Variants in TSNARE1 observed in about 807,000 individuals in gnomAD.
TSNARE1 encodes t-SNARE domain-containing protein 1.
Under a neutral mutation model 62.0 loss-of-function variants are expected in TSNARE1, and 49 were observed. The observed-to-expected ratio is 0.79, with a 90% CI of 0.63 to 1.00. TSNARE1 has a LOEUF of 1.00. Among genes scored for constraint, TSNARE1 ranks in the 50% least tolerant of loss-of-function variants. TSNARE1 has a pLI of 0.00. For synonymous variants in TSNARE1, 328 were observed against 294.4 expected (o/e 1.11, Z -1.17); for missense variants, 755 against 700.1 (o/e 1.08, Z -0.88).
chr8:142,273,838 A>G (rs1819987506), intron 12 of TSNARE1: 1 of 984,396 alleles, frequency 1.0e-6, no homozygotes, highest in Admixed American at 6.2e-5. Flanking sequence ...GCAACTGAGG[A>G]CCCTCTGCGG....
intron 12 of TSNARE1, chr8:142,271,342 C>T (rs1248954846): frequency 4.2e-6 from 5 of 1,177,328 alleles, no homozygotes; most frequent in Non-Finnish European, 5.2e-6. Flanking sequence ...GCAGGTTTTG[C>T]TGGGCCATGA....
chr8:142,296,038 G>A (rs541305182), intron 10 of TSNARE1, among the ~76,000 whole-genome samples: 4 of 82,676 alleles, frequency 4.8e-5, no homozygotes, highest in African/African-American at 2.1e-4. Context: ...TCACTGTCAC[G>A]GGGGAGGGGG....
intron 1 of TSNARE1, among the ~76,000 whole-genome samples, chr8:142,362,629 A>AC (rs1835251091): frequency 1.3e-5 from 2 of 151,966 alleles, no homozygotes; most frequent in Non-Finnish European, 2.9e-5. Flanking sequence ...TCAGGAGATC[A>AC]CCCCCAGATA....
chr8:142,215,496 C>T (rs1815789688), intron 13 of TSNARE1, among the ~76,000 whole-genome samples: 2 of 152,168 alleles, frequency 1.3e-5, no homozygotes, highest in South Asian at 2.1e-4. Flanking sequence ...TGGGTCTCAT[C>T]CATTGCCCTT....
intron 6 of TSNARE1, chr8:142,326,085 C>T (rs1022780878): frequency 3.7e-5 from 6 of 164,094 alleles, no homozygotes; most frequent in African/African-American, 5.5e-5. Flanking sequence ...GAGCACGAGA[C>T]GGATGACGAA....
At chr8:142,365,814 T>C (rs1258058799) in intron 1 of TSNARE1, 3 of 339,926 alleles carry the variant, frequency 8.8e-6, no homozygotes, top group African/African-American at 6.7e-5. Flanking sequence ...AATTATTTTT[T>C]AATCATAGGA....
chr8:142,334,898 T>A (rs1362273399), intron 4 of TSNARE1, among the ~76,000 whole-genome samples: 3 of 152,164 alleles, frequency 2.0e-5, no homozygotes. Context: ...GTGAAAAGGA[T>A]CGGTTCCAAC....
chr8:142,286,963 A>T (rs1050619260), intron 10 of TSNARE1, among the ~76,000 whole-genome samples: 2 of 152,350 alleles, frequency 1.3e-5, no homozygotes, highest in African/African-American at 4.8e-5. Context: ...GCTGCATTTG[A>T]CAGGGAAGAC....
chr8:142,276,956 G>A (rs1367825654), intron 11 of TSNARE1: 13 of 985,356 alleles, frequency 1.3e-5, no homozygotes, highest in South Asian at 9.4e-5. Context: ...CTGCCCCGGC[G>A]CAGTGCACAG....
intron 12 of TSNARE1, among the ~76,000 whole-genome samples, chr8:142,240,332 G>A (rs1817620595): frequency 6.6e-6 from 1 of 152,072 alleles, no homozygotes; most frequent in Non-Finnish European, 1.5e-5. Context: ...TAACGAAATA[G>A]CCACGGAATA....
intron 10 of TSNARE1, among the ~76,000 whole-genome samples, chr8:142,294,355 C>T (rs775129299): frequency 3.3e-5 from 5 of 152,234 alleles, no homozygotes; most frequent in South Asian, 2.1e-4. Flanking sequence ...TTGTCCTTCA[C>T]GCCCTCACCC....
chr8:142,256,022 CCACCACTGTCACCGTCACCACCACCGT>C (rs1818499293), intron 12 of TSNARE1, among the ~76,000 whole-genome samples: 5 of 46,386 alleles, frequency 1.1e-4, no homozygotes, highest in Non-Finnish European at 2.5e-4. Context: ...ACCATCACCA[CCACCACTGTCACCGTCACCACCACCGT>C]CACCATCACC....
Position 142,280,399 on chromosome 8 carries a change from C to T in TSNARE1, c.1363+4014G>A, listed in dbSNP as rs1821223161. Reference sequence around the variant, plus strand: ...AGCCAGGTTCGGGGTCACAGGTCATCACAGGCCCTGCATCTGTGCACAGCG... The same window carrying T: ...AGCCAGGTTCGGGGTCACAGGTCATTACAGGCCCTGCATCTGTGCACAGCG... On this transcript the variant is annotated intron_variant, in intron 11 of 13. Transcript: ENST00000524325. The T allele has an allele frequency of 4.5e-6, 4 of 887,582 alleles. No individual in the cohort carries two copies. The South Asian group carries it at 2.1e-4, about 46-fold the overall frequency. 55.0% of individuals were successfully genotyped at this position (887,582 alleles called of 1,614,324 possible).
chr8:142,275,272 G>C, intron 11 of TSNARE1: 1 of 985,460 alleles, frequency 1.0e-6, no homozygotes, highest in Non-Finnish European at 1.2e-6. Context: ...TAACGTCTGT[G>C]GAGTTGCGAC....
At chr8:142,272,850 G>A (rs1359490639) in intron 12 of TSNARE1, 7 of 984,620 alleles carry the variant, frequency 7.1e-6, no homozygotes, top group South Asian at 9.4e-5. Context: ...TCTATGCAGA[G>A]GCAACTTCAC....
chr8:142,265,916 T>C (rs1946583369), intron 12 of TSNARE1, among the ~76,000 whole-genome samples: 1 of 152,262 alleles, frequency 6.6e-6, no homozygotes, highest in Non-Finnish European at 1.5e-5. Flanking sequence ...GATGGAATTG[T>C]TTTCTTTCAG....
At chr8:142,331,155 G>A (rs546745691) in intron 5 of TSNARE1, among the ~76,000 whole-genome samples, 185 bp from the exon 6 acceptor site, 2 of 152,312 alleles carry the variant, frequency 1.3e-5, no homozygotes, top group Admixed American at 6.5e-5. Context: ...ATAAGGTCAC[G>A]CCCGCCAGAA....
chr8:142,368,199 A>G lies in TSNARE1; in HGVS notation c.-39-13436T>C, dbSNP rs1237156274. 1.1e-4 allele frequency among the ~76,000 whole-genome samples: 16 copies of G among 152,330 alleles called. No individual in the cohort carries two copies. The East Asian group carries it at 2.9e-3, about 28-fold the overall frequency. On this transcript the variant is annotated intron_variant, in intron 1 of 13. Transcript: ENST00000524325. ...CAAGCAGGGAGAAAAGATTTGCAACATATGCCAAAGGACGAATATTATCCT... is the reference window on the plus strand; with the variant it reads ...CAAGCAGGGAGAAAAGATTTGCAACGTATGCCAAAGGACGAATATTATCCT...
intron 4 of TSNARE1, among the ~76,000 whole-genome samples, chr8:142,343,150 G>T (rs561500181): frequency 2.0e-5 from 3 of 152,196 alleles, no homozygotes; most frequent in African/African-American, 7.2e-5. Flanking sequence ...CAGCCTCAGG[G>T]TCTGCAGAAG....
Sources: gnomAD v4.1 joint callset for allele counts (sites outside exome capture counted in the v4.1 genomes callset) on GRCh38, gnomAD v4.1.1 for gene constraint, MANE v1.5 for transcripts, NCBI Gene and HGNC (gene_info 2026-07-23, HGNC 2026-07-21) for gene names.